The following NLRC5 variants were observed in gnomAD, a reference collection of about 807,000 sequenced individuals.
The protein encoded by NLRC5 is NLR family CARD domain containing 5.
In NLRC5, 114 loss-of-function variants were observed where a neutral mutation model predicts 206.9. That is an observed-to-expected ratio of 0.55 (90% confidence interval 0.47 to 0.64). The LOEUF (loss-of-function observed/expected upper bound fraction) is 0.64. NLRC5 is among the 30% of genes least tolerant of loss of function. The pLI is 0.00. For synonymous variants in NLRC5, 952 were observed against 962.8 expected (o/e 0.99, Z 0.21); for missense variants, 2,008 against 2,305.5 (o/e 0.87, Z 2.64).
rs751368171 is a variant in NLRC5, at chr16:57,061,364, T to G, written c.3987-84T>G. On this transcript the variant is annotated intron_variant, in intron 30 of 48. Coordinates refer to ENST00000688547, the MANE Select transcript of NLRC5 (RefSeq NM_001384950.1). ...CCTCAGAGGTGGGATGCTCCCCCAA[T>G]AGGCCCTCAGGGAGGCTGAGATGAA... 15 of 1,360,184 alleles carry G rather than the reference T, an allele frequency of 1.1e-5. No individual in the cohort carries two copies. In the African/African-American group the frequency reaches 2.1e-4, roughly 19 times the overall value. 84.3% of individuals were successfully genotyped at this position (1,360,184 alleles called of 1,614,324 possible).
chr16:57,003,670 C>G (rs1344411539), intron 1 of NLRC5, among the ~76,000 whole-genome samples: 1 of 152,082 alleles, frequency 6.6e-6, no homozygotes. Context: ...CAGGATGGAC[C>G]TCTTCTATCA....
Position 57,041,467 on chromosome 16 carries a change from G to A in NLRC5, c.2940-18G>A. On this transcript the variant is annotated intron_variant, in intron 17 of 48. Coordinates refer to ENST00000688547, the MANE Select transcript of NLRC5 (RefSeq NM_001384950.1). ...TGTTCAGTGGGGCATGCAGCACTGTGTTTTTGTCCCTGGGCAGGCTGACAC... is the reference window on the plus strand; with the variant it reads ...TGTTCAGTGGGGCATGCAGCACTGTATTTTTGTCCCTGGGCAGGCTGACAC... 3 of 1,611,058 alleles carry A rather than the reference G, an allele frequency of 1.9e-6. No individual in the cohort carries two copies. The highest frequency in any genetic ancestry group is 1.7e-6 in the Non-Finnish European group (2 of 1,177,470).
chr16:57,054,471 C>G (rs975325350), intron 24 of NLRC5, among the ~76,000 whole-genome samples: 2 of 152,174 alleles, frequency 1.3e-5, no homozygotes, highest in African/African-American at 2.4e-5. Flanking sequence ...CCTCATATAC[C>G]TCGAGAGTCA....
chr16:57,059,369 G>A (rs2066109993), intron 29 of NLRC5, 98 bp from the exon 30 acceptor site: 4 of 1,523,628 alleles, frequency 2.6e-6, no homozygotes, highest in South Asian at 1.2e-5. Context: ...CCTTGTGGGT[G>A]CAGCCCCGCT....
Position 57,051,582 on chromosome 16 carries a change from T to G in NLRC5, c.3467T>G (p.Leu1156Arg). 1 of 1,614,158 alleles carries G rather than the reference T, an allele frequency of 6.2e-7. No individual in the cohort carries two copies. The highest frequency in any genetic ancestry group is 1.1e-5 in the South Asian group (1 of 91,088). Residue 1156 changes from leucine (L) to arginine (R), a missense_variant, in exon 24 of 49, where the codon CTG becomes CGG. By Grantham distance (102) the Leu-to-Arg change is moderately radical (BLOSUM62 -2). Transcript: ENST00000688547. ...AGTGACCAGAGCCTGGAGACTCTAC[T>G]GGACTGCTTACCTCAACTCCCTCAG... ...FLSDQSLETL[L>R]DCLPQLPQLS...
intron 30 of NLRC5, among the ~76,000 whole-genome samples, chr16:57,060,267 T>C (rs2066274447): frequency 6.6e-6 from 1 of 151,762 alleles, no homozygotes; most frequent in Non-Finnish European, 1.5e-5. Context: ...TGGCTCCCCA[T>C]TAACCCCAGG....
At chr16:57,058,910 C>A in intron 28 of NLRC5, 62 bp from the exon 29 acceptor site, 1 of 1,359,412 alleles carries the variant, frequency 7.4e-7, no homozygotes, top group Non-Finnish European at 1.1e-6. Flanking sequence ...ATGGAGGGGG[C>A]TGGGCAGGGC....
chr16:57,034,276 G>A (rs374001312), intron 13 of NLRC5, 25 bp downstream of exon 13: 90 of 1,396,294 alleles, frequency 6.4e-5, no homozygotes, highest in East Asian at 2.3e-4. Context: ...AAGCCCTGGC[G>A]TAGGAGCCAG....
Position 57,058,121 on chromosome 16 carries a change from C to T in NLRC5, c.3803C>T (p.Pro1268Leu), listed in dbSNP as rs758897406. 1.2e-5 allele frequency: 19 copies of T among 1,610,506 alleles called. No individual in the cohort carries two copies. Among genetic ancestry groups the T allele is most frequent in the Admixed American group, 8.4e-5 (5 of 59,682 alleles). ...CTCAGATGCCTTCTGGAATGTCTGC[C>T]GCAGGTGCCCATCTCCGGTTTGCTT... ...SGLRCLLECL[P>L]QVPISGLLDL... Residue 1268 changes from proline to leucine, a missense_variant, in exon 28 of 49, where the codon CCG (proline) becomes CTG (leucine). Physicochemically the swap from Pro to Leu is moderately conservative, Grantham distance 98 (BLOSUM62 -3). Transcript: ENST00000688547.
At chr16:56,995,608 T>TG (rs57085789) in intron 1 of NLRC5, among the ~76,000 whole-genome samples, 43,850 of 151,944 alleles carry the variant, frequency 0.29, 6,399 homozygotes, top group East Asian at 0.32. Flanking sequence ...GTGGGATGGA[T>TG]CCTGTACCAT....
chr16:57,065,283 G>A lies in NLRC5; in HGVS notation c.4226G>A (p.Ser1409Asn). 1.9e-6 allele frequency: 3 copies of A among 1,579,732 alleles called. No homozygotes were observed. Among genetic ancestry groups the A allele is most frequent in the Non-Finnish European group, 2.6e-6 (3 of 1,160,216 alleles). ...LLEVCAQASG[S>N]VTEISISETQ... ...GAAGTCTGCGCCCAGGCCTCAGGCA[G>A]TGTCACTGAAATCAGGTGAGTCCAG... Residue 1409 changes from serine to asparagine, a missense_variant, in exon 33 of 49, where the codon AGT (serine) becomes AAT (asparagine). Transcript: ENST00000688547.
At chr16:57,030,637 T>C (rs1353069214) in intron 10 of NLRC5, among the ~76,000 whole-genome samples, 2 of 151,260 alleles carry the variant, frequency 1.3e-5, no homozygotes, top group Non-Finnish European at 2.9e-5. Context: ...GATGGATGGA[T>C]GGATGGATGG....
Position 57,006,670 on chromosome 16 carries a change from G to A in NLRC5, c.-127-10404G>A, listed in dbSNP as rs2058949958. ...CCAATCTTTTGCTATTACAAGCAAG[G>A]CCACGTTAAATATCCCTGGGCATAT... On this transcript the variant is annotated intron_variant, in intron 1 of 48. Transcript: ENST00000688547. Among the ~76,000 whole-genome samples the A allele has an allele frequency of 2.6e-5, 4 of 151,650 alleles. No homozygotes were observed. The South Asian group carries it at 8.3e-4, about 32-fold the overall frequency.
chr16:57,077,964 G>A lies in NLRC5; in HGVS notation c.5025G>A (p.Gly1675=). ...EELMLGCNAL[G]DPTALGLAQE... ...CCAGGCTTGGCTGCAATGCCCTGGG[G>A]GATCCCACAGCCCTGGGGCTGGCTC... Residue 1675 remains glycine, a synonymous_variant, in exon 43 of 49, where the codon GGG becomes GGA. Transcript: ENST00000688547. 2 of 1,613,072 alleles carry A rather than the reference G, an allele frequency of 1.2e-6. No homozygotes were observed. Among genetic ancestry groups the A allele is most frequent in the South Asian group, 1.1e-5 (1 of 90,940 alleles).
In NLRC5 at chr16:57,069,035, C is replaced by T. The variant is rs1019967863; in HGVS notation, c.4500-801C>T. ...GGGGCACATGATGTGTCAGAGTCCTCGGGCTAGTGATGTTAACTGTGATCA... is the reference window on the plus strand; with the variant it reads ...GGGGCACATGATGTGTCAGAGTCCTTGGGCTAGTGATGTTAACTGTGATCA... On this transcript the variant is annotated intron_variant, in intron 36 of 48. Transcript: ENST00000688547. Among the ~76,000 whole-genome samples, 17 of 152,322 alleles carry T rather than the reference C, an allele frequency of 1.1e-4. No homozygotes were observed. The South Asian group carries it at 1.2e-3, about 11-fold the overall frequency.
chr16:57,028,921 C>T (rs916985569), intron 8 of NLRC5, among the ~76,000 whole-genome samples: 5 of 152,208 alleles, frequency 3.3e-5, no homozygotes, highest in Non-Finnish European at 5.9e-5. Flanking sequence ...TATACTCCTG[C>T]CCTGTGTCTG....
chr16:57,052,042 G>C (rs949055435), intron 24 of NLRC5, among the ~76,000 whole-genome samples: 16 of 152,212 alleles, frequency 1.1e-4, no homozygotes, highest in Admixed American at 2.0e-4. Context: ...GAAAGGGGCT[G>C]TACAGATGTA....
rs1196693837 is a variant in NLRC5 at position 57,046,581 on chromosome 16, A to G, written c.3278A>G (p.Asp1093Gly). 1.2e-6 allele frequency: 2 copies of G among 1,613,792 alleles called. No homozygotes were observed. Among genetic ancestry groups the G allele is most frequent in the Non-Finnish European group, 1.7e-6 (2 of 1,179,892 alleles). Residue 1093 changes from aspartate to glycine, a missense_variant, in exon 22 of 49, where the codon GAC (aspartate) becomes GGC (glycine). Physicochemically the swap from Asp to Gly is moderately conservative, Grantham distance 94 (BLOSUM62 -1). Transcript: ENST00000688547. Reference sequence around the variant, plus strand: ...ATGTGGGCCACTGGATCTTTGCCAGACTTCCCAGCTGCAGCCAAGTTCTTA... The same window carrying G: ...ATGTGGGCCACTGGATCTTTGCCAGGCTTCCCAGCTGCAGCCAAGTTCTTA... Reference protein sequence around the residue: ...RDMWATGSLPDFPAAAKFLGF... With the variant: ...RDMWATGSLPGFPAAAKFLGF...
chr16:57,057,968 G>A (rs1437018608), intron 27 of NLRC5, 97 bp from the exon 28 acceptor site: 4 of 949,366 alleles, frequency 4.2e-6, no homozygotes, highest in Non-Finnish European at 6.6e-6. Flanking sequence ...ATGGGGTCCA[G>A]TAGCAGTGAC....
Sources: allele counts gnomAD v4.1 joint callset (sites outside exome capture counted in the v4.1 genomes callset), GRCh38; gene constraint gnomAD v4.1.1; transcripts MANE v1.5; gene names NCBI Gene and HGNC (gene_info 2026-07-23, HGNC 2026-07-21).